RIMS2: variants seen among roughly 807,000 people sequenced by gnomAD.
RIMS2 encodes regulating synaptic membrane exocytosis 2, also known as regulating synaptic membrane exocytosis protein 2.
RIMS2 carries 59 observed loss-of-function variants against 174.4 expected under a neutral mutation model. The ratio of observed to expected loss-of-function variants is 0.34; its 90% CI spans 0.27 to 0.42. The LOEUF is 0.42. RIMS2 is among the 10% of genes least tolerant of loss of function. The probability of loss-of-function intolerance (pLI) is 1.00; values close to 1 mark genes in which losing one functional copy is unlikely to be tolerated. For synonymous variants in RIMS2, 606 were observed against 572.5 expected, an observed-to-expected ratio of 1.06 and a Z score of -0.84; for missense variants, 1,620 against 1,666.3, an observed-to-expected ratio of 0.97 and a Z score of 0.48.
intron 1 of RIMS2, among the ~76,000 whole-genome samples, chr8:103,609,459 G>T (rs2095287960): frequency 7.3e-6 from 1 of 137,092 alleles, no homozygotes; most frequent in South Asian, 2.2e-4. Context: ...GTCTTTCCTA[G>T]ACTATCTTCC....
At chr8:103,676,794 C>A (rs898209094) in intron 1 of RIMS2, among the ~76,000 whole-genome samples, 1 of 151,894 alleles carries the variant, frequency 6.6e-6, no homozygotes, top group African/African-American at 2.4e-5. Context: ...AGTAGCCTGG[C>A]CAACATGGTG....
At chr8:103,918,365 G>T in intron 8 of RIMS2, 76 bp from the exon 12 acceptor site, 1 of 854,402 alleles carries the variant, frequency 1.2e-6, no homozygotes, top group South Asian at 1.9e-5. Context: ...TTAATAGGTT[G>T]ATAATAATAA....
At chr8:103,686,744 T>C (rs548981200) in intron 1 of RIMS2, among the ~76,000 whole-genome samples, 2 of 152,236 alleles carry the variant, frequency 1.3e-5, no homozygotes, top group Admixed American at 1.3e-4. Context: ...TTTATTGGTC[T>C]ATAATTTCTT....
At chr8:103,596,624 A>G (rs1468971698) in intron 1 of RIMS2, among the ~76,000 whole-genome samples, 1 of 152,076 alleles carries the variant, frequency 6.6e-6, no homozygotes, top group African/African-American at 2.4e-5. Context: ...ATCGTCATAC[A>G]TTATATGTAT....
intron 1 of RIMS2, among the ~76,000 whole-genome samples, chr8:103,515,486 G>A (rs1388914151): frequency 6.6e-6 from 1 of 152,092 alleles, no homozygotes; most frequent in East Asian, 1.9e-4. Flanking sequence ...CAGAATACAA[G>A]CTTTTCCTTT....
At chr8:104,178,639 A>G (rs2098920468) in intron 19 of RIMS2, among the ~76,000 whole-genome samples, 1 of 152,136 alleles carries the variant, frequency 6.6e-6, no homozygotes, top group African/African-American at 2.4e-5. Flanking sequence ...CTACCATACA[A>G]CGTCAGCAAC....
intron 2 of RIMS2, among the ~76,000 whole-genome samples, chr8:103,715,132 T>A (rs2097352829): frequency 6.6e-6 from 1 of 152,114 alleles, no homozygotes; most frequent in South Asian, 2.1e-4. Context: ...TAGTGCAAGA[T>A]CTGAAGTGAG....
At chr8:104,144,623 T>A (rs2098614974) in intron 19 of RIMS2, among the ~76,000 whole-genome samples, 1 of 152,190 alleles carries the variant, frequency 6.6e-6, no homozygotes, top group South Asian at 2.1e-4. Context: ...AAAATTAAAA[T>A]GACTTTTAGC....
chr8:104,067,702 C>T (rs551329288), intron 19 of RIMS2, among the ~76,000 whole-genome samples: 78 of 152,122 alleles, frequency 5.1e-4, no homozygotes, highest in Non-Finnish European at 9.6e-4. Context: ...CATAAATATA[C>T]TTCCAAAATG....
Position 103,581,501 on chromosome 8 carries a change from AT to A in RIMS2, c.176+80440del, listed in dbSNP as rs377467981. 2.6e-3 allele frequency among the ~76,000 whole-genome samples: 392 copies of A among 152,170 alleles called. 2 individuals are homozygous for A. Among genetic ancestry groups the A allele is most frequent in the African/African-American group, 8.9e-3 (368 of 41,458 alleles). ...AAAATAATAAAGGCCATATGTGAAA[AT>A]CCCCCAGCTAACATCATACTGAATG... On this transcript the variant is annotated intron_variant, in intron 1 of 23. Transcript: ENST00000504942.
chr8:103,583,105 A>G (rs184403695), intron 1 of RIMS2, among the ~76,000 whole-genome samples: 54 of 152,250 alleles, frequency 3.5e-4, no homozygotes, highest in Non-Finnish European at 5.9e-4. Flanking sequence ...GAGACACTTT[A>G]TGTTTGGGAG....
chr8:103,842,688 A>G (rs375307912), intron 3 of RIMS2, among the ~76,000 whole-genome samples: 1 of 152,022 alleles, frequency 6.6e-6, no homozygotes, highest in South Asian at 2.1e-4. Flanking sequence ...ATTGTCATTG[A>G]TTTCTTTCAT....
chr8:103,976,981 C>T (rs879725139), intron 16 of RIMS2: 1 of 152,124 alleles, frequency 6.6e-6, no homozygotes, highest in Non-Finnish European at 1.5e-5. Flanking sequence ...TTGAAGCTAA[C>T]AAGAAATATG....
intron 2 of RIMS2, among the ~76,000 whole-genome samples, chr8:103,752,539 G>A (rs2097907627): frequency 6.6e-6 from 1 of 151,948 alleles, no homozygotes; most frequent in African/African-American, 2.4e-5. Context: ...AATTACCTTG[G>A]GCAGTGTGGC....
At chr8:103,687,730 A>G (rs2136956933) in intron 1 of RIMS2, among the ~76,000 whole-genome samples, 1 of 152,228 alleles carries the variant, frequency 6.6e-6, no homozygotes, top group South Asian at 2.1e-4. Flanking sequence ...TGAACTTTTT[A>G]AGATTTCACA....
intron 1 of RIMS2, among the ~76,000 whole-genome samples, chr8:103,630,405 A>ATCT (rs1179479364): frequency 6.6e-6 from 1 of 152,104 alleles, no homozygotes; most frequent in Non-Finnish European, 1.5e-5. Context: ...GATGAAGGAA[A>ATCT]TCTAAGAACA....
At chr8:103,692,436 C>T (rs2080608) in intron 1 of RIMS2, among the ~76,000 whole-genome samples, 26,764 of 152,144 alleles carry the variant, frequency 0.18, 2,563 homozygotes, top group African/African-American at 0.23. Flanking sequence ...AAGTTCTTCC[C>T]ACTCTTCTCT....
chr8:103,514,788 C>G (rs1347498286), intron 1 of RIMS2, among the ~76,000 whole-genome samples: 1 of 152,010 alleles, frequency 6.6e-6, no homozygotes, highest in African/African-American at 2.4e-5. Flanking sequence ...ATCCCAGCTA[C>G]TTGGAAGGCT....
exon 23 of RIMS2, chr8:104,251,082 A>G (rs1353074787): frequency 6.2e-7 from 1 of 1,613,610 alleles, no homozygotes; most frequent in East Asian, 2.2e-5. Context: ...AAAAGAAAAC[A>G]AAAGTGGCAA....
Sources: allele counts gnomAD v4.1 joint callset (sites outside exome capture counted in the v4.1 genomes callset), GRCh38; gene constraint gnomAD v4.1.1; transcripts MANE v1.5; gene names NCBI Gene and HGNC (gene_info 2026-07-23, HGNC 2026-07-21).